The following TNIP1 variants were observed in gnomAD, a reference collection of about 807,000 sequenced individuals.
TNIP1 encodes TNFAIP3-interacting protein 1.
In TNIP1, 22 loss-of-function variants were observed where a neutral mutation model predicts 86.6. The observed-to-expected ratio is 0.25, with a 90% CI of 0.18 to 0.36. The LOEUF (loss-of-function observed/expected upper bound fraction) is 0.36, where lower values mean the gene tolerates loss of function less well. Among genes scored for constraint, TNIP1 ranks in the 10% least tolerant of loss-of-function variants. TNIP1 has a pLI of 1.00. For missense variants in TNIP1, 709 were observed against 820.6 expected (o/e 0.86, Z 1.66); for synonymous variants, 294 against 313.0 (o/e 0.94, Z 0.64).
intron 5 of TNIP1, among the ~76,000 whole-genome samples, chr5:151,059,669 T>G (rs1761131656): frequency 6.6e-6 from 1 of 152,228 alleles, no homozygotes; most frequent in Middle Eastern, 3.4e-3. Flanking sequence ...CTTCAATAAG[T>G]CTGCCATTTT....
chr5:151,042,712 T>G (rs371297712), intron 10 of TNIP1, 41 bp from the exon 11 acceptor site: 29 of 1,611,220 alleles, frequency 1.8e-5, no homozygotes, highest in Non-Finnish European at 2.4e-5. Flanking sequence ...GGCAAGGATG[T>G]AGAGCACTTG....
intron 1 of TNIP1, among the ~76,000 whole-genome samples, chr5:151,073,590 G>C (rs977867846): frequency 2.0e-5 from 3 of 152,158 alleles, no homozygotes; most frequent in Non-Finnish European, 2.9e-5. Flanking sequence ...CATTGTGTGT[G>C]TGTGTGTATA....
Position 151,042,550 on chromosome 5 carries a change from T to C in TNIP1, c.1124A>G (p.Glu375Gly), listed in dbSNP as rs1215637155. ...RKLLLAKSKIEMEETDKEQLT... is the reference protein window; with the variant it reads ...RKLLLAKSKIGMEETDKEQLT... ...AGCAGTCACACTTGCCTCCTCCATT[T>C]CAATCTTGGACTTGGCCAGGAGGAG... Residue 375 changes from glutamate (E) to glycine (G), a missense_variant, in exon 11 of 18, where the codon GAA becomes GGA. Coordinates refer to ENST00000521591, the MANE Select transcript of TNIP1 (RefSeq NM_006058.5). 2 of 1,612,960 alleles carry C rather than the reference T, an allele frequency of 1.2e-6. No homozygotes were observed. Among genetic ancestry groups the C allele is most frequent in the South Asian group, 1.1e-5 (1 of 91,086 alleles).
chr5:151,035,547 G>A (rs1581730948), intron 14 of TNIP1, 35 bp downstream of exon 14: 1 of 1,614,028 alleles, frequency 6.2e-7, no homozygotes. Flanking sequence ...CACGAGGACA[G>A]GCCAGTTGCC....
rs1293418974 is a variant in TNIP1, at chr5:151,039,184, G to A, written c.1176C>T (p.Arg392=). 3 of 1,613,682 alleles carry A rather than the reference G, an allele frequency of 1.9e-6. No individual in the cohort carries two copies. Among genetic ancestry groups the A allele is most frequent in the Non-Finnish European group, 2.5e-6 (3 of 1,179,962 alleles). ...GATCCTGCAGGTACTTGACCTTTTG[G>A]CGCAGCTCCTTGGCCTCTGCTGTCA... The part of the protein sequence containing the change: ...EQLTAEAKEL[R]QKVKYLQDQL... The change falls in exon 12 of 18, where the codon CGC becomes CGT. Residue 392 remains arginine (R), a synonymous_variant. Coordinates refer to ENST00000521591, the MANE Select transcript of TNIP1 (RefSeq NM_006058.5).
intron 6 of TNIP1, among the ~76,000 whole-genome samples, chr5:151,053,412 G>A (rs35325406): frequency 6.6e-6 from 1 of 152,260 alleles, no homozygotes; most frequent in South Asian, 2.1e-4. Context: ...ACCTAGCCCA[G>A]GGACAACTGT....
At chr5:151,037,680 TACTCAGA>T (rs1309340666) in intron 12 of TNIP1, among the ~76,000 whole-genome samples, 2 of 152,238 alleles carry the variant, frequency 1.3e-5, no homozygotes, top group African/African-American at 4.8e-5. Flanking sequence ...GTTAACATGT[TACTCAGA>T]ACTCTGGAAC....
At chr5:151,074,691 A>G (rs1196754687) in intron 1 of TNIP1, among the ~76,000 whole-genome samples, 1 of 152,232 alleles carries the variant, frequency 6.6e-6, no homozygotes, top group Non-Finnish European at 1.5e-5. Context: ...AAAGCTACCT[A>G]AAATGAAGAG....
In TNIP1 at chr5:151,030,825, AG is replaced by A. The variant is rs1224981308; in HGVS notation, c.1877-79del. 22 of 1,233,262 alleles carry A rather than the reference AG, an allele frequency of 1.8e-5. 1 individual carries two copies. The highest frequency in any genetic ancestry group is 1.1e-4 in the Admixed American group (5 of 47,354). The allele number at this position is 1,233,262 out of a possible 1,614,324, so 76.4% of individuals were successfully genotyped here. On this transcript the variant is annotated intron_variant, in intron 17 of 17. Transcript: ENST00000521591. ...CAAAGTCTCTTATGGAATGCAGTGC[AG>A]GAACAGTGAAAATAACAGCTAGGGT...
At chr5:151,051,580 C>T (rs749847368) in intron 7 of TNIP1, among the ~76,000 whole-genome samples, 3 of 152,188 alleles carry the variant, frequency 2.0e-5, no homozygotes, top group Non-Finnish European at 4.4e-5. Context: ...CTCTGACAGT[C>T]AAGATCAGTG....
Position 151,063,635 on chromosome 5 carries a change from G to A in TNIP1, c.249C>T (p.Phe83=), listed in dbSNP as rs150161821. 1.9e-5 allele frequency: 31 copies of A among 1,613,914 alleles called. No homozygotes were observed. The East Asian group carries it at 2.9e-4, about 15-fold the overall frequency. ...TACCTGTGAGCTCAGCCAGGGGGTC[G>A]AAGGAGCCCAAGGAGGGAGAAGGTG... ...LPPPSPSLGS[F]DPLAELTGKD... Residue 83 remains phenylalanine, a synonymous_variant, in exon 3 of 18, where the codon TTC becomes TTT. Transcript: ENST00000521591.
intron 12 of TNIP1, among the ~76,000 whole-genome samples, chr5:151,038,297 C>T (rs1382523528): frequency 4.6e-5 from 7 of 152,180 alleles, no homozygotes; most frequent in East Asian, 1.9e-4. Context: ...ACAATTAGCA[C>T]GAAACGAAAA....
chr5:151,061,960 G>T (rs928485518), intron 4 of TNIP1, among the ~76,000 whole-genome samples, 167 bp downstream of exon 4: 1 of 152,272 alleles, frequency 6.6e-6, no homozygotes, highest in Admixed American at 6.5e-5. Flanking sequence ...TTTCAAAATG[G>T]GGAGGCTGAG....
At chr5:151,032,562 T>A in intron 16 of TNIP1, 179 bp from the exon 17 acceptor site, 1 of 651,772 alleles carries the variant, frequency 1.5e-6, no homozygotes, top group Non-Finnish European at 2.7e-6. Context: ...GATAACTTGC[T>A]GAAGGTCATC....
At position 151,030,655 on chromosome 5, in the gene TNIP1, A is replaced by C; in HGVS notation, c.*58T>G. Reference sequence around the variant, plus strand: ...TGCAAGTGGCTTCTAGTTTCTTGGCAATCTGAGATCAGCTGGCTCTGCAAG... The same window carrying C: ...TGCAAGTGGCTTCTAGTTTCTTGGCCATCTGAGATCAGCTGGCTCTGCAAG... On this transcript the variant is annotated 3_prime_UTR_variant, in exon 18 of 18. Transcript: ENST00000521591. The C allele has an allele frequency of 6.2e-7, 1 of 1,613,436 alleles. No homozygotes were observed. The highest frequency in any genetic ancestry group is 1.1e-5 in the South Asian group (1 of 90,928).
At chr5:151,034,099 T>TGGTACATGGGCAC (rs1561803071) in intron 15 of TNIP1, among the ~76,000 whole-genome samples, 16 of 98,244 alleles carry the variant, frequency 1.6e-4, no homozygotes, top group Non-Finnish European at 3.1e-4. Flanking sequence ...TACATGGGCA[T>TGGTACATGGGCAC]GGAAGGCTAG....
intron 7 of TNIP1, among the ~76,000 whole-genome samples, chr5:151,050,432 A>G (rs999997389): frequency 6.6e-6 from 1 of 152,226 alleles, no homozygotes; most frequent in Non-Finnish European, 1.5e-5. Context: ...ATTTATTAAC[A>G]TCCTTTCACT....
chr5:151,036,960 C>A, intron 12 of TNIP1, 39 bp from the exon 13 acceptor site: 3 of 1,549,728 alleles, frequency 1.9e-6, no homozygotes, highest in Non-Finnish European at 2.6e-6. Context: ...GCAGGAACCC[C>A]TGGAAATCAG....
At chr5:151,043,263 T>C (rs1758690796) in intron 9 of TNIP1, among the ~76,000 whole-genome samples, 1 of 152,230 alleles carries the variant, frequency 6.6e-6, no homozygotes, top group Non-Finnish European at 1.5e-5. Flanking sequence ...TGGGATTATG[T>C]ATTGAAATTT....
Sources: gnomAD v4.1 joint callset for allele counts (sites outside exome capture counted in the v4.1 genomes callset) on GRCh38, gnomAD v4.1.1 for gene constraint, MANE v1.5 for transcripts, NCBI Gene and HGNC (gene_info 2026-07-23, HGNC 2026-07-21) for gene names.